RBFOX2: variants seen among roughly 807,000 people sequenced by gnomAD.
RBFOX2 encodes RNA binding fox-1 homolog 2.
Under a neutral mutation model 49.1 loss-of-function variants are expected in RBFOX2, and 10 were observed. The ratio of observed to expected loss-of-function variants is 0.20; its 90% CI spans 0.13 to 0.35. The LOEUF is 0.35. Among genes scored for constraint, RBFOX2 ranks in the 10% least tolerant of loss-of-function variants. RBFOX2 has a pLI of 1.00. For synonymous variants in RBFOX2, 183 were observed against 187.4 expected, an observed-to-expected ratio of 0.98 and a Z score of 0.19; for missense variants, 323 against 486.9, an observed-to-expected ratio of 0.66 and a Z score of 3.17.
intron 2 of RBFOX2, among the ~76,000 whole-genome samples, chr22:35,794,892 A>T (rs1049346229): frequency 6.6e-6 from 1 of 152,140 alleles, no homozygotes. Context: ...CTTGGGCATT[A>T]GGAGTAAGTA....
In RBFOX2 at chr22:35,895,489, C is replaced by T. The variant is rs2047733642; in HGVS notation, c.-34+43358G>A. ...ACAATGTGTGCTTGACACCACTATT[C>T]TTTACGTCATTTCACCACTAATAAT... On this transcript the variant is annotated intron_variant, in intron 1 of 13. Coordinates refer to the RBFOX2 transcript ENST00000359369. Among the ~76,000 whole-genome samples, 4 of 152,180 alleles carry T rather than the reference C, an allele frequency of 2.6e-5. No individual in the cohort carries two copies. In the South Asian group the frequency reaches 8.3e-4, roughly 32 times the overall value.
intron 1 of RBFOX2, among the ~76,000 whole-genome samples, chr22:35,970,603 G>A (rs533499184): frequency 1.3e-4 from 20 of 152,232 alleles, no homozygotes; most frequent in African/African-American, 4.8e-4. Context: ...CGGGACTGCA[G>A]TGAGCCATGA....
chr22:35,808,346 A>T, intron 2 of RBFOX2, among the ~76,000 whole-genome samples: 1 of 152,208 alleles, frequency 6.6e-6, no homozygotes, highest in East Asian at 1.9e-4. Context: ...CATAACTAAT[A>T]AACATCGAAA....
exon 12 of RBFOX2, chr22:35,741,553 A>G (rs1929969300): frequency 6.6e-6 from 1 of 152,628 alleles, no homozygotes; most frequent in Non-Finnish European, 1.5e-5. Flanking sequence ...CAAGAGCCCC[A>G]ATTCTCAGTG....
chr22:36,016,391 G>A (rs558313640), intron 1 of RBFOX2, among the ~76,000 whole-genome samples: 9 of 151,950 alleles, frequency 5.9e-5, no homozygotes, highest in Non-Finnish European at 1.0e-4. Flanking sequence ...AGAGTCCCAC[G>A]GCCACACCAC....
chr22:35,895,507 C>T (rs567556276), intron 1 of RBFOX2, among the ~76,000 whole-genome samples: 5 of 152,284 alleles, frequency 3.3e-5, no homozygotes, highest in African/African-American at 9.6e-5. Flanking sequence ...CATTTCACCA[C>T]TAATAATTCT....
At chr22:35,743,864 CT>C (rs1931117215) in exon 12 of RBFOX2, 1 of 232,792 alleles carries the variant, frequency 4.3e-6, no homozygotes. Flanking sequence ...CTCCTTCCTC[CT>C]TGACTGCCTC....
intron 1 of RBFOX2, among the ~76,000 whole-genome samples, chr22:35,907,630 C>CT (rs1414344370): frequency 1.3e-5 from 2 of 151,972 alleles, no homozygotes; most frequent in Non-Finnish European, 2.9e-5. Flanking sequence ...AAATTATTTA[C>CT]TTTAACTTAC....
At chr22:35,931,707 G>A (rs1307354270) in intron 1 of RBFOX2, among the ~76,000 whole-genome samples, 2 of 152,138 alleles carry the variant, frequency 1.3e-5, no homozygotes, top group African/African-American at 2.4e-5. Context: ...CCTGGGAGGT[G>A]GAGGTTGCAA....
intron 2 of RBFOX2, among the ~76,000 whole-genome samples, chr22:35,795,123 C>G (rs1948533699): frequency 6.6e-6 from 1 of 152,056 alleles, no homozygotes; most frequent in Non-Finnish European, 1.5e-5. Context: ...TTGGAAACTG[C>G]CAAACTACTC....
chr22:35,913,550 G>A (rs1036848467), intron 1 of RBFOX2, among the ~76,000 whole-genome samples: 2 of 148,456 alleles, frequency 1.3e-5, no homozygotes, highest in African/African-American at 2.5e-5. Context: ...GTATATGTAT[G>A]TGTGTGTGTG....
chr22:35,831,725 A>G (rs1487992616), intron 1 of RBFOX2, among the ~76,000 whole-genome samples: 1 of 152,164 alleles, frequency 6.6e-6, no homozygotes, highest in Admixed American at 6.5e-5. Context: ...TCAAAACCCA[A>G]TCTCCTTCAC....
At chr22:35,861,452 A>G (rs1446395291) in intron 1 of RBFOX2, among the ~76,000 whole-genome samples, 1 of 152,192 alleles carries the variant, frequency 6.6e-6, no homozygotes, top group Non-Finnish European at 1.5e-5. Context: ...TTCAACCATA[A>G]GAAACAAAAC....
intron 2 of RBFOX2, among the ~76,000 whole-genome samples, chr22:35,792,471 A>T (rs1180625722): frequency 2.0e-5 from 3 of 152,316 alleles, no homozygotes; most frequent in African/African-American, 7.2e-5. Context: ...TTTTTATATC[A>T]GATTTCAAAT....
At position 35,803,786 on chromosome 22, in the gene RBFOX2, C is replaced by T. The variant is rs1405497194; in HGVS notation, c.252+5994G>A. 2.6e-5 allele frequency among the ~76,000 whole-genome samples: 4 copies of T among 151,968 alleles called. No homozygotes were observed. The East Asian group carries it at 7.7e-4, about 29-fold the overall frequency. On this transcript the variant is annotated intron_variant, in intron 2 of 11. Coordinates refer to ENST00000405409, the Ensembl canonical transcript of RBFOX2. The stretch of plus-strand genomic sequence containing the variant: ...ATAATAACTGAAAGAAAAAAAATCA[C>T]TAGATGGGCTCAACAGCAGATTTGG...
chr22:35,832,951 T>A (rs1957061129), intron 1 of RBFOX2, among the ~76,000 whole-genome samples: 1 of 152,222 alleles, frequency 6.6e-6, no homozygotes, highest in African/African-American at 2.4e-5. Flanking sequence ...TTTGAAATGT[T>A]CTCTATACAA....
chr22:35,761,348 A>C, intron 7 of RBFOX2, 54 bp from the exon 9 acceptor site: 1 of 1,612,886 alleles, frequency 6.2e-7, no homozygotes, highest in Non-Finnish European at 8.5e-7. Flanking sequence ...AAGGAGTCAC[A>C]AATTGAAAAA....
intron 1 of RBFOX2, among the ~76,000 whole-genome samples, chr22:36,010,678 C>T (rs2058784865): frequency 6.6e-6 from 1 of 151,038 alleles, no homozygotes; most frequent in Admixed American, 6.6e-5. Context: ...AGAGTCAAGC[C>T]TAAGTTTGAT....
chr22:35,807,407 G>A (rs892466142), intron 2 of RBFOX2, among the ~76,000 whole-genome samples: 6 of 151,822 alleles, frequency 4.0e-5, no homozygotes, highest in South Asian at 2.1e-4. Context: ...CATGTGAAGC[G>A]CCAAAGAAAT....
Sources: allele counts gnomAD v4.1 joint callset (sites outside exome capture counted in the v4.1 genomes callset), GRCh38; gene constraint gnomAD v4.1.1; transcripts MANE v1.5; gene names NCBI Gene and HGNC (gene_info 2026-07-23, HGNC 2026-07-21).